The following NCKAP5 variants were observed in gnomAD, a reference collection of about 807,000 sequenced individuals.
The protein encoded by NCKAP5 is NCK associated protein 5.
A neutral mutation model predicts 167.0 loss-of-function variants in NCKAP5; 92 were observed. The observed-to-expected ratio is 0.55, with a 90% CI of 0.47 to 0.66. NCKAP5 has a LOEUF of 0.66. Ranked by LOEUF, NCKAP5 falls within the 30% of genes least tolerant of loss-of-function variation. NCKAP5 has a pLI of 0.00. For synonymous variants in NCKAP5, 891 were observed against 877.4 expected (o/e 1.02, Z -0.27); for missense variants, 2,378 against 2,315.0 (o/e 1.03, Z -0.56).
At chr2:133,260,441 G>A (rs555195229) in intron 4 of NCKAP5, among the ~76,000 whole-genome samples, 2 of 152,154 alleles carry the variant, frequency 1.3e-5, no homozygotes, top group Admixed American at 1.3e-4. Flanking sequence ...GCCTTCTTGA[G>A]TTAATTCACA....
the NCKAP5 span, among the ~76,000 whole-genome samples, chr2:133,599,776 T>C: frequency 3.3e-5 from 5 of 152,158 alleles, no homozygotes; most frequent in African/African-American, 1.2e-4. Context: ...CGGGAGAGCA[T>C]GAGGAGCGCC....
At chr2:132,796,799 C>A (rs1684644822) in intron 11 of NCKAP5, 70 bp from the exon 12 acceptor site, 2 of 1,076,880 alleles carry the variant, frequency 1.9e-6, no homozygotes, top group Admixed American at 2.1e-5. Context: ...CTGCCTTGGA[C>A]AGTTAAATCT....
At chr2:132,733,295 G>T (rs1172416766) in intron 16 of NCKAP5, among the ~76,000 whole-genome samples, 1 of 152,066 alleles carries the variant, frequency 6.6e-6, no homozygotes, top group African/African-American at 2.4e-5. Context: ...TCTAGCACTG[G>T]GTAAGCGGAA....
chr2:132,773,971 T>C (rs1682322441), intron 15 of NCKAP5, 77 bp from the exon 16 acceptor site: 1 of 1,215,806 alleles, frequency 8.2e-7, no homozygotes, highest in South Asian at 1.3e-5. Flanking sequence ...AGAGTAATGG[T>C]ACATTCTATA....
At chr2:132,677,123 G>A (rs925105644) in intron 19 of NCKAP5, among the ~76,000 whole-genome samples, 4 of 152,088 alleles carry the variant, frequency 2.6e-5, no homozygotes, top group African/African-American at 9.7e-5. Context: ...ATTCCTTCCT[G>A]TGTTGTGCTT....
At chr2:133,617,686 C>T in the NCKAP5 span, among the ~76,000 whole-genome samples, 1 of 151,424 alleles carries the variant, frequency 6.6e-6, no homozygotes, top group Non-Finnish European at 1.5e-5. Flanking sequence ...ATCCCATGCT[C>T]ATGGGTAGGA....
intron 9 of NCKAP5, among the ~76,000 whole-genome samples, chr2:132,877,552 T>C (rs746886226): frequency 6.6e-6 from 1 of 152,128 alleles, no homozygotes; most frequent in Non-Finnish European, 1.5e-5. Context: ...GAATCTGCAT[T>C]CCCAATGAGG....
At chr2:132,829,384 G>A (rs1687359837) in intron 11 of NCKAP5, among the ~76,000 whole-genome samples, 1 of 152,134 alleles carries the variant, frequency 6.6e-6, no homozygotes, top group African/African-American at 2.4e-5. Context: ...TACTCAATAA[G>A]TGGTAGCTGT....
chr2:133,447,528 TCCCTTCCTTTCCCCCTTCCCTC>T (rs1266156938), intron 3 of NCKAP5, among the ~76,000 whole-genome samples: 4 of 144,536 alleles, frequency 2.8e-5, no homozygotes, highest in Admixed American at 6.9e-5. Flanking sequence ...TCCCTTCCTT[TCCCTTCCTTTCCCCCTTCCCTC>T]CCCTTCCTTT....
At chr2:133,583,452 G>A in the NCKAP5 span, among the ~76,000 whole-genome samples, 1 of 140,494 alleles carries the variant, frequency 7.1e-6, no homozygotes, top group South Asian at 2.5e-4. Context: ...CTCTCCAGAA[G>A]CAGATGCCAG....
chr2:133,377,097 G>A (rs1390224216), intron 3 of NCKAP5, among the ~76,000 whole-genome samples: 1 of 152,154 alleles, frequency 6.6e-6, no homozygotes, highest in African/African-American at 2.4e-5. Context: ...TGAGTGTCTT[G>A]TCTGGTTTTT....
At chr2:132,796,580 G>GA (rs1193575198) in intron 12 of NCKAP5, 48 bp downstream of exon 12, 1 of 1,344,950 alleles carries the variant, frequency 7.4e-7, no homozygotes, top group Non-Finnish European at 1.1e-6. Flanking sequence ...TTGATGGAAG[G>GA]AAAATAACCA....
intron 8 of NCKAP5, among the ~76,000 whole-genome samples, chr2:132,912,366 T>C (rs1027197037): frequency 6.6e-6 from 1 of 152,156 alleles, no homozygotes; most frequent in African/African-American, 2.4e-5. Flanking sequence ...TAATAAAACT[T>C]TGGACAGTCA....
chr2:133,644,755 T>A, the NCKAP5 span, among the ~76,000 whole-genome samples: 1 of 152,028 alleles, frequency 6.6e-6, no homozygotes, highest in Non-Finnish European at 1.5e-5. Flanking sequence ...CTATTTACAA[T>A]TTTTTTTCTC....
chr2:133,607,332 C>A, the NCKAP5 span, among the ~76,000 whole-genome samples: 8 of 152,124 alleles, frequency 5.3e-5, no homozygotes, highest in Admixed American at 5.2e-4. Context: ...CATGGGAGCT[C>A]CCCACTGGAC....
intron 10 of NCKAP5, 120 bp from the exon 11 acceptor site, chr2:132,860,731 C>A (rs1689831998): frequency 1.6e-6 from 2 of 1,236,756 alleles, no homozygotes; most frequent in Non-Finnish European, 2.2e-6. Context: ...TTCTTCAAAG[C>A]CCCCAGAAGT....
rs528632998 is a variant in NCKAP5 at position 132,766,313 on chromosome 2, T to C, written c.5128+7503A>G. Among the ~76,000 whole-genome samples the C allele has an allele frequency of 3.0e-5, 3 of 101,504 alleles. No individual in the cohort carries two copies. The East Asian group carries it at 1.0e-3, about 34-fold the overall frequency. 66.6% of individuals were successfully genotyped at this position (101,504 alleles called of 152,430 possible). A position where few individuals can be genotyped will look rare whatever the true frequency, so the allele number is the denominator to read the frequency against. On this transcript the variant is annotated intron_variant, in intron 16 of 19. Transcript: ENST00000409261. ...AAAAAAAAAAAAAAAAAAGAGAAAA[T>C]CATAAGGAATGTAAACCATATGAGG...
At chr2:132,728,999 A>G (rs746926347) in intron 17 of NCKAP5, 47 bp from the exon 18 acceptor site, 3 of 1,604,124 alleles carry the variant, frequency 1.9e-6, no homozygotes, top group African/African-American at 1.3e-5. Flanking sequence ...TTTCATCAAC[A>G]TTTTACAAGT....
chr2:133,235,014 T>C (rs992775623), intron 4 of NCKAP5, among the ~76,000 whole-genome samples: 22 of 149,922 alleles, frequency 1.5e-4, no homozygotes, highest in Admixed American at 2.6e-4. Flanking sequence ...TCCAACTCAG[T>C]ACATCCTCAA....
Sources: allele counts gnomAD v4.1 joint callset (sites outside exome capture counted in the v4.1 genomes callset), GRCh38; gene constraint gnomAD v4.1.1; transcripts MANE v1.5; gene names NCBI Gene and HGNC (gene_info 2026-07-23, HGNC 2026-07-21).